Variants in PPME1 observed in about 807,000 individuals in gnomAD.
PPME1 encodes the protein protein phosphatase methylesterase 1.
PPME1 carries 17 observed loss-of-function variants against 56.9 expected under a neutral mutation model. The observed-to-expected ratio is 0.30, with a 90% confidence interval of 0.20 to 0.45. The LOEUF (loss-of-function observed/expected upper bound fraction) is 0.45. Among genes scored for constraint, PPME1 ranks in the 20% least tolerant of loss-of-function variants. PPME1 has a pLI of 1.00. For missense variants in PPME1, 357 were observed against 483.2 expected (o/e 0.74, Z 2.45); for synonymous variants, 122 against 156.2 (o/e 0.78, Z 1.63).
At position 74,250,881 on chromosome 11, in the gene PPME1, G is replaced by A. The variant is rs192149323; in HGVS notation, c.1010-73G>A. 6.7e-5 allele frequency: 89 copies of A among 1,338,172 alleles called. No individual in the cohort carries two copies. In the African/African-American group the frequency reaches 1.1e-3, roughly 17 times the overall value. 82.9% of individuals were successfully genotyped at this position (1,338,172 alleles called of 1,614,324 possible). ...TGGGGAGGTAGGTCCTGGGCTCCTG[G>A]AATGACCTATGAGGCTGCATAAGAG... is the stretch of plus-strand genomic sequence containing the variant. On this transcript the variant is annotated intron_variant, in intron 11 of 13. Coordinates refer to ENST00000328257, the MANE Select transcript of PPME1 (RefSeq NM_016147.3).
intron 1 of PPME1, 28 bp from the exon 2 acceptor site, chr11:74,203,700 G>A: frequency 6.4e-7 from 1 of 1,573,350 alleles, no homozygotes; most frequent in Non-Finnish European, 8.7e-7. Context: ...TAATTTTTCT[G>A]AAATGTCTCT....
chr11:74,220,264 T>C (rs1038094002), intron 3 of PPME1, among the ~76,000 whole-genome samples: 6 of 152,140 alleles, frequency 3.9e-5, no homozygotes, highest in Non-Finnish European at 2.9e-5. Context: ...TGAGATAATC[T>C]GGTGAAATTA....
intron 10 of PPME1, 70 bp from the exon 11 acceptor site, chr11:74,247,009 C>A: frequency 7.6e-7 from 1 of 1,313,456 alleles, no homozygotes; most frequent in African/African-American, 1.5e-5. Flanking sequence ...ATATTTAAAA[C>A]TTTGTAACAC....
rs563262843 is a variant in PPME1, at chr11:74,225,829, A to G, written c.398+573A>G. Among the ~76,000 whole-genome samples the G allele has an allele frequency of 3.3e-5, 5 of 152,308 alleles. No individual in the cohort carries two copies. The East Asian group carries it at 7.7e-4, about 23-fold the overall frequency. On this transcript the variant is annotated intron_variant, in intron 5 of 13. Transcript: ENST00000328257. ...TTGACCCTACCCCAGACCTACTTCT[A>G]GCAGTGGAGTCTGGGCATTTATATT...
At chr11:74,215,342 AAAG>A (rs1296971044) in intron 3 of PPME1, among the ~76,000 whole-genome samples, 1 of 152,202 alleles carries the variant, frequency 6.6e-6, no homozygotes, top group Non-Finnish European at 1.5e-5. Context: ...GTCTTAGAAA[AAAG>A]AAAAGAAGTA....
At chr11:74,194,677 G>A (rs1857934255) in intron 1 of PPME1, among the ~76,000 whole-genome samples, 1 of 151,748 alleles carries the variant, frequency 6.6e-6, no homozygotes, top group East Asian at 1.9e-4. Context: ...TCTCAAGTTG[G>A]ATCTATTAAT....
intron 12 of PPME1, 125 bp downstream of exon 12, chr11:74,251,143 G>A (rs753574894): frequency 2.2e-4 from 335 of 1,499,460 alleles, no homozygotes; most frequent in Admixed American, 4.0e-4. Flanking sequence ...CTATGCAGAT[G>A]CAGTTCCACC....
Position 74,247,128 on chromosome 11 carries a change from G to A in PPME1, c.1009+5G>A. The stretch of plus-strand genomic sequence containing the variant: ...TGACCATTGGCCAGATGCAAGGTAA[G>A]TTATCAAGAAATTATACCCCTGGAC... On this transcript the variant is annotated splice_donor_5th_base_variant and intron_variant, in intron 11 of 13. Coordinates refer to ENST00000328257, the MANE Select transcript of PPME1 (RefSeq NM_016147.3). The A allele has an allele frequency of 1.2e-6, 2 of 1,608,856 alleles. No homozygotes were observed. Among genetic ancestry groups the A allele is most frequent in the Non-Finnish European group, 1.7e-6 (2 of 1,175,726 alleles).
Position 74,171,328 on chromosome 11 carries a change from T to A in PPME1, c.-94T>A. On this transcript the variant is annotated 5_prime_UTR_variant, in exon 1 of 14. Transcript: ENST00000328257. Reference sequence around the variant, plus strand: ...GGTGCTGTCCAAAGGCGACAGGGCGTCGTTAGGGGAGCGAGTCGTGACCGG... The same window carrying A: ...GGTGCTGTCCAAAGGCGACAGGGCGACGTTAGGGGAGCGAGTCGTGACCGG... 1 of 1,514,862 alleles carries A rather than the reference T, an allele frequency of 6.6e-7. No homozygotes were observed. The allele number at this position is 1,514,862 out of a possible 1,614,324, so 93.8% of individuals were successfully genotyped here.
At chr11:74,222,719 C>G (rs183685868) in intron 4 of PPME1, 72 of 298,332 alleles carry the variant, frequency 2.4e-4, no homozygotes, top group Non-Finnish European at 4.3e-4. Context: ...AAACTCTTGA[C>G]CTCAAGTGAT....
At chr11:74,248,728 T>C (rs1859573481) in intron 11 of PPME1, 1 of 152,324 alleles carries the variant, frequency 6.6e-6, no homozygotes, top group East Asian at 1.9e-4. Context: ...GACACTTAAG[T>C]TCAATTCAAG....
chr11:74,203,580 TATG>T (rs1420522389), intron 1 of PPME1, 145 bp from the exon 2 acceptor site: 12 of 481,438 alleles, frequency 2.5e-5, no homozygotes, highest in African/African-American at 1.8e-4. Context: ...ACATTTTTAA[TATG>T]ATACTTTGTG....
intron 7 of PPME1, among the ~76,000 whole-genome samples, 183 bp downstream of exon 7, chr11:74,231,185 G>T (rs1183084595): frequency 6.6e-6 from 1 of 152,076 alleles, no homozygotes; most frequent in African/African-American, 2.4e-5. Context: ...AGCCTCCCAA[G>T]TTGCTAAGAC....
intron 11 of PPME1, chr11:74,248,703 T>C (rs1859572683): frequency 6.6e-6 from 1 of 152,182 alleles, no homozygotes; most frequent in Admixed American, 6.5e-5. Context: ...ATGAGTGCCA[T>C]GAAATTGAAT....
chr11:74,215,554 T>G (rs1858615950), intron 3 of PPME1, among the ~76,000 whole-genome samples: 1 of 151,644 alleles, frequency 6.6e-6, no homozygotes, highest in South Asian at 2.1e-4. Context: ...AGCAAGATAT[T>G]TAAACATACC....
intron 1 of PPME1, among the ~76,000 whole-genome samples, chr11:74,183,944 C>A (rs968213873): frequency 6.6e-6 from 1 of 152,106 alleles, no homozygotes; most frequent in African/African-American, 2.4e-5. Context: ...AATTGTCCAT[C>A]CTGAATTTAA....
intron 3 of PPME1, among the ~76,000 whole-genome samples, chr11:74,206,193 A>G (rs1858322531): frequency 6.6e-6 from 1 of 152,186 alleles, no homozygotes; most frequent in Non-Finnish European, 1.5e-5. Flanking sequence ...CACATATTGT[A>G]TGCTTGAAGA....
chr11:74,234,353 G>A (rs1859141283), intron 7 of PPME1, among the ~76,000 whole-genome samples: 2 of 152,184 alleles, frequency 1.3e-5, no homozygotes, highest in Admixed American at 1.3e-4. Flanking sequence ...AAAAGTGAAA[G>A]ATTGAATGTA....
intron 9 of PPME1, among the ~76,000 whole-genome samples, 198 bp from the exon 10 acceptor site, chr11:74,245,878 A>T (rs1475879497): frequency 1.3e-5 from 2 of 152,268 alleles, no homozygotes; most frequent in Admixed American, 6.5e-5. Context: ...ACTTGTAATT[A>T]TCTTAAAATG....
Sources: gnomAD v4.1 joint callset for allele counts (sites outside exome capture counted in the v4.1 genomes callset) on GRCh38, gnomAD v4.1.1 for gene constraint, MANE v1.5 for transcripts, NCBI Gene and HGNC (gene_info 2026-07-23, HGNC 2026-07-21) for gene names.